Variants in RBMS3 observed in about 807,000 individuals in gnomAD.
RBMS3 encodes the protein RNA-binding motif, single-stranded-interacting protein 3.
Under a neutral mutation model 66.8 loss-of-function variants are expected in RBMS3, and 27 were observed. That is an observed-to-expected ratio of 0.40 (90% CI 0.30 to 0.56). RBMS3 has a LOEUF of 0.56. RBMS3 is among the 20% of genes least tolerant of loss of function. RBMS3 has a pLI of 0.40. For missense variants in RBMS3, 513 were observed against 549.5 expected, an observed-to-expected ratio of 0.93 and a Z score of 0.66; for synonymous variants, 188 against 183.0, an observed-to-expected ratio of 1.03 and a Z score of -0.22.
At chr3:29,809,132 A>G (rs1040435966) in intron 6 of RBMS3, among the ~76,000 whole-genome samples, 1 of 151,814 alleles carries the variant, frequency 6.6e-6, no homozygotes, top group African/African-American at 2.4e-5. Flanking sequence ...AACTTAAATC[A>G]CAAAAGATTG....
At chr3:29,697,732 A>T (rs1420388604) in intron 4 of RBMS3, among the ~76,000 whole-genome samples, 4 of 152,204 alleles carry the variant, frequency 2.6e-5, no homozygotes, top group African/African-American at 9.6e-5. Context: ...AGGTAATTTT[A>T]TACACTATTT....
In RBMS3 at chr3:29,593,489, G is replaced by A. The variant is rs1440021598; in HGVS notation, c.399+6284G>A. Among the ~76,000 whole-genome samples the A allele has an allele frequency of 4.6e-5, 7 of 151,838 alleles. 1 individual carries two copies. Among genetic ancestry groups the A allele is most frequent in the Admixed American group, 2.0e-4 (3 of 15,222 alleles). On this transcript the variant is annotated intron_variant, in intron 4 of 14. Transcript: ENST00000383767. ...TTGTTCCAGGGTAACTTGAGCAGGCGATTCGAGAGTTGTTTCCTGAGACTG... is the reference window on the plus strand; with the variant it reads ...TTGTTCCAGGGTAACTTGAGCAGGCAATTCGAGAGTTGTTTCCTGAGACTG...
At chr3:29,764,596 AG>A (rs1273676247) in intron 6 of RBMS3, among the ~76,000 whole-genome samples, 4 of 152,052 alleles carry the variant, frequency 2.6e-5, no homozygotes, top group African/African-American at 9.7e-5. Context: ...GAATGATTCA[AG>A]TTTTAGCACA....
At chr3:29,837,721 A>C (rs2058561639) in intron 6 of RBMS3, among the ~76,000 whole-genome samples, 1 of 121,108 alleles carries the variant, frequency 8.3e-6, no homozygotes, top group Admixed American at 9.3e-5. Flanking sequence ...TATTAGCTTA[A>C]CTGTGAACCC....
intron 2 of RBMS3, among the ~76,000 whole-genome samples, chr3:29,450,112 C>G (rs995425037): frequency 1.3e-5 from 2 of 152,196 alleles, no homozygotes; most frequent in African/African-American, 2.4e-5. Context: ...GTCTGTCTAA[C>G]ATGGCCAAGG....
intron 1 of RBMS3, among the ~76,000 whole-genome samples, chr3:29,408,390 G>C (rs979848302): frequency 5.2e-4 from 79 of 151,130 alleles, no homozygotes; most frequent in African/African-American, 1.8e-3. Flanking sequence ...CACTTAATCT[G>C]TCTGTGCCTC....
intron 4 of RBMS3, among the ~76,000 whole-genome samples, chr3:29,686,356 T>C (rs1342116060): frequency 6.6e-6 from 1 of 152,206 alleles, no homozygotes; most frequent in Non-Finnish European, 1.5e-5. Flanking sequence ...ATATTCATTG[T>C]TTGATAGCAT....
intron 4 of RBMS3, among the ~76,000 whole-genome samples, chr3:29,609,640 G>A (rs955527869): frequency 1.3e-5 from 2 of 152,034 alleles, no homozygotes; most frequent in Admixed American, 6.6e-5. Context: ...AGAACAGGGA[G>A]CCTCTTGTTG....
intron 4 of RBMS3, among the ~76,000 whole-genome samples, chr3:29,722,955 T>C (rs1472343837): frequency 6.6e-6 from 1 of 152,006 alleles, no homozygotes. Context: ...TATCAGACTT[T>C]TACTCACTCT....
chr3:29,424,545 C>T lies in RBMS3; in HGVS notation c.76-10198C>T, dbSNP rs2040868424. ...ACACATTATGGAGTTGGGATGAGAACTGGTATAAGGAAATTAGATTGGATT... is the reference window on the plus strand; with the variant it reads ...ACACATTATGGAGTTGGGATGAGAATTGGTATAAGGAAATTAGATTGGATT... On this transcript the variant is annotated intron_variant, in intron 1 of 14. Coordinates refer to ENST00000383767, the MANE Select transcript of RBMS3 (RefSeq NM_001003793.3). Among the ~76,000 whole-genome samples the T allele has an allele frequency of 2.0e-5, 3 of 152,096 alleles. No homozygotes were observed. In the South Asian group the frequency reaches 6.2e-4, roughly 32 times the overall value.
intron 3 of RBMS3, among the ~76,000 whole-genome samples, chr3:29,515,549 C>A (rs1357186882): frequency 1.3e-5 from 2 of 152,162 alleles, no homozygotes; most frequent in Non-Finnish European, 2.9e-5. Flanking sequence ...GGAAGACAGG[C>A]TGGAAGGATG....
At chr3:29,768,159 T>G (rs1053163178) in intron 6 of RBMS3, among the ~76,000 whole-genome samples, 1 of 152,008 alleles carries the variant, frequency 6.6e-6, no homozygotes, top group Non-Finnish European at 1.5e-5. Flanking sequence ...CTTCAGATTA[T>G]TTCTATGCAT....
At chr3:29,867,484 G>T (rs1016194152) in intron 6 of RBMS3, among the ~76,000 whole-genome samples, 2 of 143,990 alleles carry the variant, frequency 1.4e-5, no homozygotes, top group Non-Finnish European at 3.0e-5. Flanking sequence ...TGTCTGGGTG[G>T]TGGCTGGCAT....
intron 3 of RBMS3, among the ~76,000 whole-genome samples, chr3:29,489,109 C>A (rs567806105): frequency 2.6e-5 from 4 of 152,246 alleles, no homozygotes; most frequent in South Asian, 2.1e-4. Flanking sequence ...AATTGTGGAA[C>A]CTGTATGGTC....
intron 1 of RBMS3, among the ~76,000 whole-genome samples, chr3:29,339,314 G>T: frequency 6.6e-6 from 1 of 152,140 alleles, no homozygotes; most frequent in Non-Finnish European, 1.5e-5. Context: ...TCTTGGGGGC[G>T]GGAGCATTAA....
intron 2 of RBMS3, among the ~76,000 whole-genome samples, chr3:29,438,851 C>A (rs1455403444): frequency 6.6e-6 from 1 of 151,866 alleles, no homozygotes; most frequent in Non-Finnish European, 1.5e-5. Flanking sequence ...AAATGGGCAT[C>A]AATTAAATAT....
At chr3:29,858,189 A>T (rs1054016904) in intron 6 of RBMS3, among the ~76,000 whole-genome samples, 1 of 151,972 alleles carries the variant, frequency 6.6e-6, no homozygotes, top group Middle Eastern at 3.2e-3. Flanking sequence ...AATTTTTTAC[A>T]TGTCCTTTTT....
intron 12 of RBMS3, among the ~76,000 whole-genome samples, chr3:29,959,940 G>A (rs1239739590): frequency 6.6e-6 from 1 of 151,904 alleles, no homozygotes; most frequent in Non-Finnish European, 1.5e-5. Context: ...ATTTGGGTGG[G>A]GACATACCCA....
intron 6 of RBMS3, among the ~76,000 whole-genome samples, chr3:29,868,388 T>C (rs1309589620): frequency 6.6e-6 from 1 of 152,188 alleles, no homozygotes; most frequent in East Asian, 1.9e-4. Context: ...AGGGGACTAA[T>C]TTTTTAAAAG....
Sources: allele counts gnomAD v4.1 joint callset (sites outside exome capture counted in the v4.1 genomes callset), GRCh38; gene constraint gnomAD v4.1.1; transcripts MANE v1.5; gene names NCBI Gene and HGNC (gene_info 2026-07-23, HGNC 2026-07-21).